The following BCL7B variants were observed in gnomAD, a reference collection of about 807,000 sequenced individuals.
BCL7B encodes BAF chromatin remodeling complex subunit BCL7B.
In BCL7B, 11 loss-of-function variants were observed where a neutral mutation model predicts 26.5. The ratio of observed to expected loss-of-function variants is 0.42; its 90% CI spans 0.26 to 0.69. BCL7B has a LOEUF of 0.69. BCL7B is among the 30% of genes least tolerant of loss of function. The probability of loss-of-function intolerance (pLI) is 0.28; values close to 1 mark genes in which losing one functional copy is unlikely to be tolerated. For synonymous variants in BCL7B, 111 were observed against 107.9 expected, an observed-to-expected ratio of 1.03 and a Z score of -0.18; for missense variants, 215 against 264.4, an observed-to-expected ratio of 0.81 and a Z score of 1.30.
intron 1 of BCL7B, 78 bp downstream of exon 1, chr7:73,557,409 C>T: frequency 8.3e-7 from 1 of 1,209,870 alleles, no homozygotes; most frequent in Non-Finnish European, 1.0e-6. Flanking sequence ...GGTCGGCTCC[C>T]ACCTGACCCG....
intron 2 of BCL7B, among the ~76,000 whole-genome samples, chr7:73,550,644 GT>G (rs11335676): frequency 0.92 from 136,192 of 148,540 alleles, 62,492 homozygotes; most frequent in East Asian, 0.99. Flanking sequence ...TTTTTTTTTT[GT>G]TTTTTTTTTG....
intron 2 of BCL7B, among the ~76,000 whole-genome samples, chr7:73,547,446 G>A (rs989238380): frequency 6.6e-6 from 1 of 152,142 alleles, no homozygotes; most frequent in Non-Finnish European, 1.5e-5. Context: ...ATGAGCTATG[G>A]AGTGAGACAG....
intron 1 of BCL7B, chr7:73,557,223 C>T: frequency 9.4e-7 from 1 of 1,066,942 alleles, no homozygotes; most frequent in Non-Finnish European, 1.1e-6. Flanking sequence ...CCAGTCCGGG[C>T]CGGAAGCCGG....
chr7:73,539,686 C>T (rs575795822), intron 4 of BCL7B, 196 bp downstream of exon 4: 23 of 616,434 alleles, frequency 3.7e-5, no homozygotes, highest in South Asian at 1.8e-4. Context: ...CAGCCTGGCA[C>T]GCAACTCTAA....
intron 2 of BCL7B, 108 bp from the exon 3 acceptor site, chr7:73,543,752 G>C: frequency 4.9e-6 from 4 of 822,016 alleles, no homozygotes; most frequent in Non-Finnish European, 7.8e-6. Context: ...GGACTGAACA[G>C]GAAAAACGAC....
chr7:73,553,079 G>A (rs982108486), intron 1 of BCL7B, among the ~76,000 whole-genome samples: 5 of 151,174 alleles, frequency 3.3e-5, no homozygotes, highest in Admixed American at 1.3e-4. Context: ...ACACCACCAC[G>A]CCCAGCCAAA....
intron 2 of BCL7B, among the ~76,000 whole-genome samples, chr7:73,551,147 C>G (rs1554584079): frequency 6.6e-6 from 1 of 152,200 alleles, no homozygotes; most frequent in Non-Finnish European, 1.5e-5. Context: ...GAGCAAGTAT[C>G]AGCAAACTTT....
chr7:73,551,180 A>G (rs1792153820), intron 2 of BCL7B, among the ~76,000 whole-genome samples: 2 of 152,346 alleles, frequency 1.3e-5, no homozygotes, highest in South Asian at 4.1e-4. Flanking sequence ...CAGATGATAA[A>G]TATTTTAGGT....
intron 3 of BCL7B, 91 bp downstream of exon 3, chr7:73,543,457 T>C: frequency 1.7e-6 from 2 of 1,203,154 alleles, no homozygotes; most frequent in Non-Finnish European, 2.5e-6. Flanking sequence ...AGGTTACAGG[T>C]GTGAGTCACT....
intron 2 of BCL7B, among the ~76,000 whole-genome samples, chr7:73,545,353 C>G (rs1157981386): frequency 6.6e-6 from 1 of 152,098 alleles, no homozygotes; most frequent in East Asian, 1.9e-4. Context: ...GCTGGGACTA[C>G]AGGCGCCCAC....
intron 3 of BCL7B, among the ~76,000 whole-genome samples, chr7:73,541,768 T>C (rs1554582905): frequency 6.6e-6 from 1 of 152,150 alleles, no homozygotes; most frequent in African/African-American, 2.4e-5. Context: ...CGCCCAGCCA[T>C]ACCCAGTACT....
At chr7:73,538,067 TG>T in intron 4 of BCL7B, 54 bp from the exon 5 acceptor site, 5 of 1,221,924 alleles carry the variant, frequency 4.1e-6, no homozygotes, top group Non-Finnish European at 4.6e-6. Flanking sequence ...GGCCTGGACC[TG>T]GGGGAGCTTC....
At position 73,543,640 on chromosome 7, in the gene BCL7B, T is replaced by C. The variant is rs1488514210; in HGVS notation, c.173A>G (p.Glu58Gly). ...WVPVTDSKEK[E>G]KSKSNSSAAR... Reference sequence around the variant, plus strand: ...TGCTGAACTGTTCGATTTTGACTTTTCTTTCTAGAAAAGGAAAAAAAGAGG... The same window carrying C: ...TGCTGAACTGTTCGATTTTGACTTTCCTTTCTAGAAAAGGAAAAAAAGAGG... The change falls in exon 3 of 6, where the codon GAA becomes GGA. Residue 58 changes from glutamate to glycine, a missense_variant. Transcript: ENST00000223368. 3.1e-6 allele frequency: 5 copies of C among 1,612,996 alleles called. No homozygotes were observed. In the African/African-American group the frequency reaches 5.3e-5, roughly 17 times the overall value.
intron 2 of BCL7B, among the ~76,000 whole-genome samples, chr7:73,551,728 G>A (rs782151313): frequency 1.3e-5 from 2 of 152,140 alleles, no homozygotes; most frequent in Non-Finnish European, 2.9e-5. Flanking sequence ...ATAAAGAGAG[G>A]CCTTGCATGG....
At chr7:73,548,844 C>T (rs1411605725) in intron 2 of BCL7B, among the ~76,000 whole-genome samples, 2 of 151,556 alleles carry the variant, frequency 1.3e-5, no homozygotes, top group African/African-American at 4.9e-5. Flanking sequence ...GCAGGAGAAT[C>T]GCTTGAAACC....
At chr7:73,539,651 G>A (rs112371582) in intron 4 of BCL7B, 15 of 490,558 alleles carry the variant, frequency 3.1e-5, no homozygotes, top group African/African-American at 9.5e-5. Context: ...TATAGCAGGC[G>A]TCAAATACTC....
At chr7:73,543,460 G>A (rs1404643840) in intron 3 of BCL7B, 88 bp downstream of exon 3, 3 of 1,235,862 alleles carry the variant, frequency 2.4e-6, no homozygotes, top group South Asian at 2.4e-5. Context: ...TTACAGGTGT[G>A]AGTCACTGCA....
intron 5 of BCL7B, among the ~76,000 whole-genome samples, 174 bp downstream of exon 5, chr7:73,537,760 C>T (rs1310882976): frequency 1.3e-5 from 2 of 152,022 alleles, no homozygotes; most frequent in African/African-American, 2.4e-5. Flanking sequence ...TGGTAGTGGG[C>T]GCCTGTAATC....
Position 73,557,667 on chromosome 7 carries a change from C to T in BCL7B, c.-89G>A. 1.3e-6 allele frequency: 1 copy of T among 777,902 alleles called. No individual in the cohort carries two copies. Among genetic ancestry groups the T allele is most frequent in the Non-Finnish European group, 1.6e-6 (1 of 614,496 alleles). 48.2% of individuals were successfully genotyped at this position (777,902 alleles called of 1,614,324 possible). A position where few individuals can be genotyped will look rare whatever the true frequency, so the allele number is the denominator to read the frequency against. ...ACGCGCCGCCGCCCGCCCGCCGCCG[C>T]CGCAGCGTCACAGCGGCCGTCGCCC... On this transcript the variant is annotated 5_prime_UTR_variant, in exon 1 of 6. Coordinates refer to ENST00000223368, the MANE Select transcript of BCL7B (RefSeq NM_001707.4).
Sources: allele counts gnomAD v4.1 joint callset (sites outside exome capture counted in the v4.1 genomes callset), GRCh38; gene constraint gnomAD v4.1.1; transcripts MANE v1.5; gene names NCBI Gene and HGNC (gene_info 2026-07-23, HGNC 2026-07-21).